Variants in ERBB4 observed in about 807,000 individuals in gnomAD.
The protein encoded by ERBB4 is receptor tyrosine-protein kinase erbB-4.
ERBB4 carries 42 observed loss-of-function variants against 158.0 expected under a neutral mutation model. The ratio of observed to expected loss-of-function variants is 0.27; its 90% CI spans 0.21 to 0.34. The LOEUF is 0.34. ERBB4 is among the 10% of genes least tolerant of loss of function. The probability of loss-of-function intolerance (pLI) is 1.00; values close to 1 mark genes in which losing one functional copy is unlikely to be tolerated. For missense variants in ERBB4, 1,333 were observed against 1,624.1 expected (o/e 0.82, Z 3.08); for synonymous variants, 583 against 558.7 (o/e 1.04, Z -0.61).
chr2:212,519,799 G>C (rs1023825039), intron 1 of ERBB4, among the ~76,000 whole-genome samples: 1 of 151,742 alleles, frequency 6.6e-6, no homozygotes, highest in Non-Finnish European at 1.5e-5. Flanking sequence ...AGAGAGGTTG[G>C]TTAAAGAATA....
chr2:211,574,612 A>C (rs950560130), intron 19 of ERBB4, among the ~76,000 whole-genome samples: 1 of 152,232 alleles, frequency 6.6e-6, no homozygotes. Context: ...GCAAGCTCCA[A>C]CATGGAGTTT....
intron 3 of ERBB4, among the ~76,000 whole-genome samples, chr2:211,795,167 G>T (rs1559525683): frequency 2.0e-5 from 3 of 151,974 alleles, no homozygotes; most frequent in African/African-American, 7.2e-5. Context: ...GGTAGGTGGA[G>T]AGAGACAGGT....
intron 3 of ERBB4, among the ~76,000 whole-genome samples, chr2:211,804,922 C>CT (rs201486236): frequency 0.63 from 87,417 of 139,098 alleles, 27,956 homozygotes; most frequent in East Asian, 0.93. Context: ...TCAAAATATT[C>CT]TTTTTTTTTT....
At chr2:212,448,250 G>C (rs185537185) in intron 1 of ERBB4, among the ~76,000 whole-genome samples, 9 of 152,158 alleles carry the variant, frequency 5.9e-5, no homozygotes, top group Non-Finnish European at 8.8e-5. Flanking sequence ...CTACTGTTTT[G>C]TGTACCCAAC....
At chr2:211,844,709 T>G (rs1282856358) in intron 3 of ERBB4, among the ~76,000 whole-genome samples, 1 of 152,192 alleles carries the variant, frequency 6.6e-6, no homozygotes, top group Non-Finnish European at 1.5e-5. Flanking sequence ...TTTGTTTAGT[T>G]TGGCTGCATT....
At chr2:212,097,594 C>G (rs1361560910) in intron 2 of ERBB4, among the ~76,000 whole-genome samples, 1 of 151,830 alleles carries the variant, frequency 6.6e-6, no homozygotes, top group Non-Finnish European at 1.5e-5. Context: ...TAACAGAAGG[C>G]AAAGATGAAA....
chr2:212,165,613 A>T (rs150456976), intron 1 of ERBB4, among the ~76,000 whole-genome samples: 2 of 152,108 alleles, frequency 1.3e-5, no homozygotes, highest in Non-Finnish European at 2.9e-5. Flanking sequence ...ATTGGCTGAC[A>T]CATCCTTAAA....
chr2:211,771,802 C>T (rs1218119511), intron 4 of ERBB4, among the ~76,000 whole-genome samples: 2 of 151,908 alleles, frequency 1.3e-5, no homozygotes, highest in African/African-American at 4.8e-5. Context: ...AGGTGCTGGC[C>T]GAATCTCTTG....
At chr2:211,662,038 C>CAAAAAAAAAAAAAAAAAAAAAAAAAAAAA (rs61318918) in intron 15 of ERBB4, among the ~76,000 whole-genome samples, 1 of 39,694 alleles carries the variant, frequency 2.5e-5, no homozygotes, top group Non-Finnish European at 4.5e-5. Context: ...GACTCCGTCT[C>CAAAAAAAAAAAAAAAAAAAAAAAAAAAAA]AAAAAAAAAA....
At chr2:212,414,845 A>G (rs1479600740) in intron 1 of ERBB4, among the ~76,000 whole-genome samples, 6 of 152,172 alleles carry the variant, frequency 3.9e-5, no homozygotes, top group Non-Finnish European at 8.8e-5. Flanking sequence ...TTGTCTAATG[A>G]TGTAGTTGTT....
chr2:211,727,208 A>G (rs756317226), intron 5 of ERBB4, among the ~76,000 whole-genome samples: 7 of 152,144 alleles, frequency 4.6e-5, no homozygotes, highest in South Asian at 2.1e-4. Context: ...TTACTTCACC[A>G]TTTTTAAGAT....
At chr2:211,782,848 C>T (rs565880155) in intron 4 of ERBB4, among the ~76,000 whole-genome samples, 45 of 152,156 alleles carry the variant, frequency 3.0e-4, no homozygotes, top group Non-Finnish European at 5.6e-4. Flanking sequence ...ATTGACTTGG[C>T]GATACGGGCT....
chr2:212,286,394 T>A (rs972790205), intron 1 of ERBB4, among the ~76,000 whole-genome samples: 1 of 152,070 alleles, frequency 6.6e-6, no homozygotes, highest in Non-Finnish European at 1.5e-5. Flanking sequence ...TAAGTTTCTG[T>A]ACTACCCATA....
intron 3 of ERBB4, among the ~76,000 whole-genome samples, chr2:211,913,594 C>G (rs542181379): frequency 6.2e-4 from 92 of 148,604 alleles, no homozygotes; most frequent in Non-Finnish European, 8.1e-4. Context: ...GAGCAAGACT[C>G]TATTTCAAAA....
intron 5 of ERBB4, 92 bp downstream of exon 5, chr2:211,750,547 C>G (rs2075102005): frequency 9.0e-7 from 1 of 1,105,208 alleles, no homozygotes; most frequent in African/African-American, 1.5e-5. Context: ...TAGCTCATTT[C>G]ATGTTTTAGA....
In ERBB4 at chr2:211,386,919, G is replaced by A. The variant is rs368679346; in HGVS notation, c.3415C>T (p.Arg1139Trp). ...SADPTVFAPERSPRGELDEEG... is the reference protein window; with the variant it reads ...SADPTVFAPEWSPRGELDEEG... Reference sequence around the variant, plus strand: ...TCATCCAGCTCTCCTCGTGGGCTCCGTTCTGGGGCAAACACGGTGGGGTCA... The same window carrying A: ...TCATCCAGCTCTCCTCGTGGGCTCCATTCTGGGGCAAACACGGTGGGGTCA... Residue 1139 changes from arginine to tryptophan, a missense_variant, in exon 27 of 28, where the codon CGG (arginine) becomes TGG (tryptophan). Physicochemically the swap from Arg to Trp is moderately radical, Grantham distance 101 (BLOSUM62 -3). Coordinates refer to ENST00000342788, the MANE Select transcript of ERBB4 (RefSeq NM_005235.3). 19 of 1,614,046 alleles carry A rather than the reference G, an allele frequency of 1.2e-5. No homozygotes were observed. The highest frequency in any genetic ancestry group is 5.3e-5 in the African/African-American group (4 of 74,924).
chr2:211,703,959 T>C lies in ERBB4; in HGVS notation c.1289+145A>G. 5 of 697,824 alleles carry C rather than the reference T, an allele frequency of 7.2e-6. No individual in the cohort carries two copies. In the South Asian group the frequency reaches 7.8e-5, roughly 11 times the overall value. 43.2% of individuals were successfully genotyped at this position (697,824 alleles called of 1,614,324 possible). On this transcript the variant is annotated intron_variant, in intron 11 of 27. Transcript: ENST00000342788. The stretch of plus-strand genomic sequence containing the variant: ...CTCACACCATCATCGGAGGTATTTT[T>C]ATTGAGCTTATCTTTGGAAATAAGG...
chr2:211,506,049 G>A (rs1055942669), intron 20 of ERBB4, among the ~76,000 whole-genome samples: 3 of 151,910 alleles, frequency 2.0e-5, no homozygotes, highest in African/African-American at 7.2e-5. Context: ...CCGTCTAATG[G>A]CTAGGACACC....
intron 18 of ERBB4, among the ~76,000 whole-genome samples, chr2:211,622,130 C>A (rs544034974): frequency 6.6e-6 from 1 of 152,254 alleles, no homozygotes; most frequent in African/African-American, 2.4e-5. Flanking sequence ...CATTTATTAT[C>A]CACATAATTC....
Sources: gnomAD v4.1 joint callset for allele counts (sites outside exome capture counted in the v4.1 genomes callset) on GRCh38, gnomAD v4.1.1 for gene constraint, MANE v1.5 for transcripts, NCBI Gene and HGNC (gene_info 2026-07-23, HGNC 2026-07-21) for gene names.